The following ZBTB44 variants were observed in gnomAD, a reference collection of about 807,000 sequenced individuals.
ZBTB44 encodes zinc finger and BTB domain containing 44, also known as zinc finger and BTB domain-containing protein 44.
A neutral mutation model predicts 54.0 loss-of-function variants in ZBTB44; 15 were observed. The observed-to-expected ratio is 0.28, with a 90% CI of 0.19 to 0.43. The LOEUF is 0.43. Ranked by LOEUF, ZBTB44 falls within the 20% of genes least tolerant of loss-of-function variation. The pLI is 1.00. For missense variants in ZBTB44, 487 were observed against 707.1 expected (o/e 0.69, Z 3.53); for synonymous variants, 230 against 250.1 (o/e 0.92, Z 0.76).
At chr11:130,285,255 A>AT (rs1404144570) in intron 1 of ZBTB44, 1 of 127,478 alleles carries the variant, frequency 7.8e-6, no homozygotes, top group Middle Eastern at 4.2e-3. Flanking sequence ...ATTCTTTAGT[A>AT]TTTCCTCCAT....
intron 4 of ZBTB44, 25 bp from the exon 5 acceptor site, chr11:130,237,118 T>G: frequency 6.9e-7 from 1 of 1,454,302 alleles, no homozygotes; most frequent in Non-Finnish European, 9.1e-7. Flanking sequence ...AAACAAAATA[T>G]CTAAAAACAA....
intron 5 of ZBTB44, among the ~76,000 whole-genome samples, chr11:130,235,339 C>T (rs939246849): frequency 2.6e-5 from 4 of 152,132 alleles, no homozygotes; most frequent in Non-Finnish European, 1.5e-5. Context: ...TTAACAGGAA[C>T]ACTATTTTAG....
rs1484239771 is a variant in ZBTB44, at chr11:130,227,438, T to G, written c.*4326A>C. On this transcript the variant is annotated 3_prime_UTR_variant, in exon 8 of 8. Coordinates refer to ENST00000357899, the MANE Select transcript of ZBTB44 (RefSeq NM_001301098.2). Reference sequence around the variant, plus strand: ...CCATCTATGTAATTTAATTCACATTTTCTCCCCTGCATCACCTTCCCTTGA... The same window carrying G: ...CCATCTATGTAATTTAATTCACATTGTCTCCCCTGCATCACCTTCCCTTGA... The G allele has an allele frequency of 2.0e-5, 3 of 152,194 alleles. No individual in the cohort carries two copies. The highest frequency in any genetic ancestry group is 4.4e-5 in the Non-Finnish European group (3 of 68,046). The allele number at this position is 152,194 out of a possible 1,614,324, so 9.4% of individuals were successfully genotyped here.
chr11:130,290,709 C>G (rs527679978), intron 1 of ZBTB44, among the ~76,000 whole-genome samples: 1 of 152,314 alleles, frequency 6.6e-6, no homozygotes, highest in Admixed American at 6.5e-5. Flanking sequence ...CTTTTCAGTA[C>G]TATCCTACAC....
chr11:130,298,548 C>T (rs1941803503), intron 1 of ZBTB44, among the ~76,000 whole-genome samples: 1 of 147,470 alleles, frequency 6.8e-6, no homozygotes, highest in South Asian at 2.3e-4. Flanking sequence ...CTGCAACCTT[C>T]AACTCCTGGG....
At chr11:130,254,346 T>C (rs956333793) in intron 2 of ZBTB44, among the ~76,000 whole-genome samples, 32 of 152,022 alleles carry the variant, frequency 2.1e-4, no homozygotes, top group Admixed American at 1.3e-4. Context: ...ATCCAGAATC[T>C]ACAAAGAACT....
chr11:130,240,364 T>C (rs1034576801), intron 2 of ZBTB44, among the ~76,000 whole-genome samples: 1 of 152,118 alleles, frequency 6.6e-6, no homozygotes, highest in Non-Finnish European at 1.5e-5. Flanking sequence ...TAAATGTTTG[T>C]GATTTTAAAG....
chr11:130,299,987 AG>A (rs1476040001), intron 1 of ZBTB44, among the ~76,000 whole-genome samples: 2 of 152,266 alleles, frequency 1.3e-5, no homozygotes, highest in Non-Finnish European at 2.9e-5. Flanking sequence ...TTAAAAAGGA[AG>A]GAAATTCAGA....
intron 1 of ZBTB44, among the ~76,000 whole-genome samples, chr11:130,288,097 GCA>G (rs1365786396): frequency 6.6e-6 from 1 of 152,148 alleles, no homozygotes. Context: ...CTTCAGCTGA[GCA>G]CAGTGGCTCA....
At chr11:130,243,181 A>T (rs1954463961) in intron 2 of ZBTB44, among the ~76,000 whole-genome samples, 1 of 152,240 alleles carries the variant, frequency 6.6e-6, no homozygotes, top group Admixed American at 6.5e-5. Flanking sequence ...TCTGTGCTTG[A>T]AAACTACGCC....
intron 1 of ZBTB44, among the ~76,000 whole-genome samples, chr11:130,306,049 C>G (rs1942247516): frequency 6.6e-6 from 1 of 152,082 alleles, no homozygotes; most frequent in African/African-American, 2.4e-5. Context: ...ATTAAAACCA[C>G]AATTAGATAC....
At position 130,238,528 on chromosome 11, in the gene ZBTB44, G is replaced by C. The variant is rs1396316368; in HGVS notation, c.1183C>G (p.Pro395Ala). ...GTTGGACACTGAAAAGGTCTGTCGG[G>C]ACCATTTGGACTTGGTCGCTCTGTA... is the stretch of plus-strand genomic sequence containing the variant. ...SSTERPSPNG[P>A]DRPFQCPTCG... Residue 395 changes from proline to alanine, a missense_variant, in exon 4 of 8, where the codon CCC becomes GCC. By Grantham distance (27) the Pro-to-Ala change is conservative. Coordinates refer to ENST00000357899, the MANE Select transcript of ZBTB44 (RefSeq NM_001301098.2). The C allele has an allele frequency of 6.2e-7, 1 of 1,612,392 alleles. No homozygotes were observed. Among genetic ancestry groups the C allele is most frequent in the Non-Finnish European group, 8.5e-7 (1 of 1,179,368 alleles).
At chr11:130,294,757 AT>A (rs1189299752) in intron 1 of ZBTB44, among the ~76,000 whole-genome samples, 9 of 152,132 alleles carry the variant, frequency 5.9e-5, no homozygotes, top group African/African-American at 2.2e-4. Flanking sequence ...AAACAGGTTA[AT>A]CAGAGTACTT....
intron 1 of ZBTB44, among the ~76,000 whole-genome samples, chr11:130,286,659 G>T (rs1940984919): frequency 6.6e-6 from 1 of 152,158 alleles, no homozygotes; most frequent in Non-Finnish European, 1.5e-5. Flanking sequence ...GCATAATTAG[G>T]CTTTGAGTAT....
intron 2 of ZBTB44, among the ~76,000 whole-genome samples, chr11:130,255,617 T>C (rs1938366922): frequency 6.6e-6 from 1 of 151,992 alleles, no homozygotes; most frequent in African/African-American, 2.4e-5. Flanking sequence ...CAGGAGGTGG[T>C]GTTTTGAAAA....
intron 2 of ZBTB44, among the ~76,000 whole-genome samples, chr11:130,248,457 A>G (rs550587158): frequency 2.6e-4 from 39 of 152,156 alleles, no homozygotes; most frequent in African/African-American, 8.2e-4. Flanking sequence ...CCTGGCCAAC[A>G]TGGTGAAATC....
chr11:130,241,766 C>T (rs1954373324), intron 2 of ZBTB44, among the ~76,000 whole-genome samples: 1 of 151,746 alleles, frequency 6.6e-6, no homozygotes, highest in African/African-American at 2.4e-5. Flanking sequence ...AAAAATCTTT[C>T]CCTGTCTGAA....
chr11:130,276,280 G>A (rs927951862), intron 1 of ZBTB44, among the ~76,000 whole-genome samples: 1 of 142,244 alleles, frequency 7.0e-6, no homozygotes, highest in Non-Finnish European at 1.5e-5. Context: ...TTCATGGCTA[G>A]CATATGGTCT....
At chr11:130,304,556 T>C (rs1021031286) in intron 1 of ZBTB44, among the ~76,000 whole-genome samples, 2 of 152,138 alleles carry the variant, frequency 1.3e-5, no homozygotes, top group African/African-American at 4.8e-5. Flanking sequence ...ATACAGCATG[T>C]TACTGGTTTT....
Sources: gnomAD v4.1 joint callset for allele counts (sites outside exome capture counted in the v4.1 genomes callset) on GRCh38, gnomAD v4.1.1 for gene constraint, MANE v1.5 for transcripts, NCBI Gene and HGNC (gene_info 2026-07-23, HGNC 2026-07-21) for gene names.